NRG3: variants seen among roughly 807,000 people sequenced by gnomAD.
The protein encoded by NRG3 is neuregulin 3, also known as pro-neuregulin-3, membrane-bound isoform.
In NRG3, 31 loss-of-function variants were observed where a neutral mutation model predicts 66.9. The observed-to-expected ratio is 0.46, with a 90% confidence interval of 0.35 to 0.63. The LOEUF (loss-of-function observed/expected upper bound fraction) is 0.63, where lower values mean the gene tolerates loss of function less well. Ranked by LOEUF, NRG3 falls within the 20% of genes least tolerant of loss-of-function variation. NRG3 has a pLI of 0.00. For synonymous variants in NRG3, 393 were observed against 359.4 expected (o/e 1.09, Z -1.06); for missense variants, 910 against 878.9 (o/e 1.04, Z -0.45).
chr10:82,488,661 G>A (rs1364093028), intron 2 of NRG3, among the ~76,000 whole-genome samples: 1 of 152,136 alleles, frequency 6.6e-6, no homozygotes, highest in Non-Finnish European at 1.5e-5. Flanking sequence ...GGCCCTCAAA[G>A]GGGAAGCTGC....
At chr10:82,844,115 G>A (rs2063195462) in intron 3 of NRG3, among the ~76,000 whole-genome samples, 1 of 152,090 alleles carries the variant, frequency 6.6e-6, no homozygotes, top group Non-Finnish European at 1.5e-5. Flanking sequence ...CTGCATATTA[G>A]CAAAGAAAAA....
intron 1 of NRG3, among the ~76,000 whole-genome samples, chr10:82,351,705 C>T (rs2083448147): frequency 6.6e-6 from 1 of 152,180 alleles, no homozygotes; most frequent in South Asian, 2.1e-4. Flanking sequence ...GAAAATGACC[C>T]TGCTGTAATC....
At chr10:82,000,178 A>G (rs1201737823) in intron 1 of NRG3, among the ~76,000 whole-genome samples, 1 of 152,238 alleles carries the variant, frequency 6.6e-6, no homozygotes, top group African/African-American at 2.4e-5. Context: ...CCTAAACTTT[A>G]AAGAACACAC....
chr10:82,848,636 G>A (rs745403544), intron 3 of NRG3, among the ~76,000 whole-genome samples: 2 of 152,068 alleles, frequency 1.3e-5, no homozygotes, highest in African/African-American at 4.8e-5. Flanking sequence ...ATGAGATTTG[G>A]GAAGGGTGGT....
chr10:82,545,034 T>A (rs886743373), intron 2 of NRG3, among the ~76,000 whole-genome samples: 1 of 152,238 alleles, frequency 6.6e-6, no homozygotes. Context: ...GATATTGAAC[T>A]TCCACCTGAA....
At chr10:82,400,904 A>C (rs535934673) in intron 2 of NRG3, among the ~76,000 whole-genome samples, 2 of 152,136 alleles carry the variant, frequency 1.3e-5, no homozygotes, top group Non-Finnish European at 2.9e-5. Context: ...AGAAAAGATC[A>C]AACTGTTATT....
intron 4 of NRG3, among the ~76,000 whole-genome samples, chr10:82,874,157 G>T (rs953917094): frequency 2.6e-5 from 4 of 152,022 alleles, no homozygotes; most frequent in Non-Finnish European, 5.9e-5. Flanking sequence ...ATCCTCTTGT[G>T]TAAAGAAAAT....
chr10:82,904,005 C>T (rs371186430), intron 4 of NRG3, among the ~76,000 whole-genome samples: 1 of 152,068 alleles, frequency 6.6e-6, no homozygotes, highest in Non-Finnish European at 1.5e-5. Context: ...GGCATTCAAT[C>T]GTGTCACTTT....
At chr10:82,663,967 T>G (rs570093977) in intron 2 of NRG3, among the ~76,000 whole-genome samples, 16 of 152,324 alleles carry the variant, frequency 1.1e-4, no homozygotes, top group African/African-American at 3.8e-4. Flanking sequence ...ATGGGAAGCT[T>G]GGATCAACGA....
chr10:82,519,258 G>T (rs535683244), intron 2 of NRG3, among the ~76,000 whole-genome samples: 1 of 152,078 alleles, frequency 6.6e-6, no homozygotes, highest in Admixed American at 6.6e-5. Flanking sequence ...GTCACTTTTG[G>T]TTCTACTTTA....
At chr10:82,504,794 G>A (rs372304262) in intron 2 of NRG3, among the ~76,000 whole-genome samples, 6 of 152,172 alleles carry the variant, frequency 3.9e-5, no homozygotes, top group East Asian at 3.9e-4. Context: ...ATTTTGGAGC[G>A]GCTCTTATAG....
At chr10:82,408,267 C>G (rs942298402) in intron 2 of NRG3, among the ~76,000 whole-genome samples, 6 of 151,946 alleles carry the variant, frequency 3.9e-5, no homozygotes, top group African/African-American at 1.4e-4. Context: ...GAGGATGCCC[C>G]AAAAAGAGTA....
intron 1 of NRG3, among the ~76,000 whole-genome samples, chr10:82,177,068 C>T (rs1047428861): frequency 1.3e-5 from 2 of 151,974 alleles, no homozygotes; most frequent in Admixed American, 1.3e-4. Flanking sequence ...ATAATATTAT[C>T]TACCTCTCCG....
At chr10:82,418,177 T>C (rs1195225646) in intron 2 of NRG3, among the ~76,000 whole-genome samples, 1 of 152,158 alleles carries the variant, frequency 6.6e-6, no homozygotes, top group African/African-American at 2.4e-5. Flanking sequence ...AATGTAAGTT[T>C]AGGGAGAAAG....
chr10:82,731,878 A>T (rs2057926058), intron 2 of NRG3, among the ~76,000 whole-genome samples: 1 of 152,180 alleles, frequency 6.6e-6, no homozygotes, highest in South Asian at 2.1e-4. Flanking sequence ...TTTACTAATG[A>T]CATTCCCACC....
intron 1 of NRG3, among the ~76,000 whole-genome samples, chr10:82,128,161 C>A (rs2068576721): frequency 6.6e-6 from 1 of 151,892 alleles, no homozygotes; most frequent in South Asian, 2.1e-4. Flanking sequence ...TGTGCTGGGA[C>A]ACATTTTATC....
At chr10:82,034,498 C>T (rs2062708203) in intron 1 of NRG3, among the ~76,000 whole-genome samples, 1 of 152,102 alleles carries the variant, frequency 6.6e-6, no homozygotes, top group South Asian at 2.1e-4. Context: ...TGACCTGAAG[C>T]AAGCTACTTA....
At chr10:82,641,009 C>T (rs1206547498) in intron 2 of NRG3, among the ~76,000 whole-genome samples, 3 of 18,134 alleles carry the variant, frequency 1.7e-4, no homozygotes, top group East Asian at 1.3e-3. Context: ...TTCAGTCTGT[C>T]GTTTTTTTTT....
chr10:82,828,301 A>T (rs2062342576), intron 3 of NRG3, among the ~76,000 whole-genome samples: 1 of 152,186 alleles, frequency 6.6e-6, no homozygotes, highest in Non-Finnish European at 1.5e-5. Flanking sequence ...GGTACATACT[A>T]ATTAGTATTT....
Sources: gnomAD v4.1 joint callset for allele counts (sites outside exome capture counted in the v4.1 genomes callset) on GRCh38, gnomAD v4.1.1 for gene constraint, MANE v1.5 for transcripts, NCBI Gene and HGNC (gene_info 2026-07-23, HGNC 2026-07-21) for gene names.